The following C12orf50 variants were observed in gnomAD, a reference collection of about 807,000 sequenced individuals.
C12orf50 encodes the protein uncharacterized protein C12orf50.
A neutral mutation model predicts 61.6 loss-of-function variants in C12orf50; 35 were observed. The observed-to-expected ratio is 0.57, with a 90% CI of 0.43 to 0.75. C12orf50 has a LOEUF of 0.75. C12orf50 is among the 30% of genes least tolerant of loss of function. The pLI is 0.00. For synonymous variants in C12orf50, 178 were observed against 161.5 expected (o/e 1.10, Z -0.77); for missense variants, 475 against 488.5 (o/e 0.97, Z 0.26).
intron 3 of C12orf50, among the ~76,000 whole-genome samples, chr12:88,023,250 A>AAT (rs2032582416): frequency 6.6e-6 from 1 of 152,174 alleles, no homozygotes; most frequent in African/African-American, 2.4e-5. Context: ...AAAAATAAGA[A>AAT]ACAGGGAGAG....
At chr12:87,987,493 A>G (rs11104704) in intron 9 of C12orf50, among the ~76,000 whole-genome samples, 18,374 of 152,182 alleles carry the variant, frequency 0.12, 1,351 homozygotes, top group African/African-American at 0.2. Context: ...ACCGAATGTC[A>G]GTGAGAAGCC....
At chr12:88,026,435 C>T in intron 3 of C12orf50, 53 bp downstream of exon 3, 1 of 1,580,502 alleles carries the variant, frequency 6.3e-7, no homozygotes, top group Non-Finnish European at 8.6e-7. Context: ...TGCTGCTAGT[C>T]CAAAACCAGA....
At chr12:88,009,695 C>T (rs2032024580) in intron 3 of C12orf50, among the ~76,000 whole-genome samples, 1 of 152,060 alleles carries the variant, frequency 6.6e-6, no homozygotes, top group African/African-American at 2.4e-5. Context: ...AACAGAAAAA[C>T]CTATTCCATT....
At chr12:87,990,729 A>G (rs2136416608) in intron 7 of C12orf50, among the ~76,000 whole-genome samples, 1 of 152,188 alleles carries the variant, frequency 6.6e-6, no homozygotes, top group African/African-American at 2.4e-5. Flanking sequence ...AGCGACACCA[A>G]GGAGGTGAAA....
At chr12:88,006,907 A>G (rs576118035) in intron 3 of C12orf50, among the ~76,000 whole-genome samples, 24 of 152,218 alleles carry the variant, frequency 1.6e-4, no homozygotes, top group Non-Finnish European at 2.9e-4. Flanking sequence ...GGTGGTTCCA[A>G]TACAACTGAC....
chr12:88,006,349 T>A (rs1213496566), intron 3 of C12orf50, among the ~76,000 whole-genome samples: 2 of 152,176 alleles, frequency 1.3e-5, no homozygotes, highest in Non-Finnish European at 2.9e-5. Flanking sequence ...ACCATTGTTT[T>A]CAGAGCGTCC....
At chr12:88,004,110 G>A (rs553479216) in intron 3 of C12orf50, among the ~76,000 whole-genome samples, 61 of 151,286 alleles carry the variant, frequency 4.0e-4, no homozygotes, top group Non-Finnish European at 7.1e-4. Context: ...ATTTGTTAGG[G>A]TTTTTTCGTA....
chr12:88,005,252 T>G (rs1473682717), intron 3 of C12orf50, among the ~76,000 whole-genome samples: 1 of 152,224 alleles, frequency 6.6e-6, no homozygotes, highest in Non-Finnish European at 1.5e-5. Context: ...TTGTTTGCTT[T>G]TTAATTTTTG....
chr12:88,005,912 G>GTTTTTTTTTTTTTTTTTTTTTTT (rs371924944), intron 3 of C12orf50, among the ~76,000 whole-genome samples: 1 of 91,032 alleles, frequency 1.1e-5, no homozygotes, highest in Non-Finnish European at 2.2e-5. Flanking sequence ...TGTTTTTTTG[G>GTTTTTTTTTTTTTTTTTTTTTTT]TTTTTTTTTT....
rs1051096911 is a variant in C12orf50 at position 88,018,599 on chromosome 12, C to T, written c.133+7889G>A. 3.9e-5 allele frequency among the ~76,000 whole-genome samples: 6 copies of T among 152,206 alleles called. No homozygotes were observed. In the South Asian group the frequency reaches 8.3e-4, roughly 21 times the overall value. On this transcript the variant is annotated intron_variant, in intron 3 of 12. Coordinates refer to ENST00000298699, the MANE Select transcript of C12orf50 (RefSeq NM_152589.3). ...AATGGGTAGATTCACTGACAGCTTG[C>T]ACCGTGTGCCTGGAAAAGCCACAGA... is the stretch of plus-strand genomic sequence containing the variant.
At chr12:88,005,532 T>C (rs1431448191) in intron 3 of C12orf50, among the ~76,000 whole-genome samples, 4 of 152,250 alleles carry the variant, frequency 2.6e-5, no homozygotes, top group Non-Finnish European at 5.9e-5. Context: ...TGCTCCACAG[T>C]TTAACCCAAG....
At chr12:87,988,112 T>C (rs2136409812) in intron 8 of C12orf50, 146 bp from the exon 9 acceptor site, 2 of 427,404 alleles carry the variant, frequency 4.7e-6, no homozygotes, top group East Asian at 7.4e-5. Context: ...AAAAGCATCA[T>C]TAACATTCCC....
At chr12:87,996,752 C>T in intron 4 of C12orf50, 106 bp from the exon 5 acceptor site, 1 of 735,110 alleles carries the variant, frequency 1.4e-6, no homozygotes, top group Non-Finnish European at 2.2e-6. Context: ...GGATAGATTA[C>T]TTTTTTATAT....
At chr12:88,019,376 T>C (rs1338755179) in intron 3 of C12orf50, among the ~76,000 whole-genome samples, 1 of 152,210 alleles carries the variant, frequency 6.6e-6, no homozygotes, top group East Asian at 1.9e-4. Flanking sequence ...TGTGGAACTA[T>C]AAGTCCATTA....
chr12:87,981,429 A>T (rs958360238), intron 12 of C12orf50, among the ~76,000 whole-genome samples: 4 of 152,156 alleles, frequency 2.6e-5, no homozygotes, highest in African/African-American at 9.7e-5. Context: ...TCACCTGGGA[A>T]TGTTGTTAAA....
chr12:88,007,459 G>A (rs1210900528), intron 3 of C12orf50, among the ~76,000 whole-genome samples: 1 of 152,330 alleles, frequency 6.6e-6, no homozygotes, highest in East Asian at 1.9e-4. Context: ...ACTGGAGGTT[G>A]AGAAGTCTAA....
intron 3 of C12orf50, among the ~76,000 whole-genome samples, chr12:88,021,207 A>G (rs1486604931): frequency 1.3e-5 from 2 of 152,074 alleles, no homozygotes; most frequent in Non-Finnish European, 2.9e-5. Flanking sequence ...GGAAATGGAG[A>G]CACAAAAAGC....
chr12:88,005,504 A>G (rs750187882), intron 3 of C12orf50, among the ~76,000 whole-genome samples: 1 of 152,222 alleles, frequency 6.6e-6, no homozygotes, highest in African/African-American at 2.4e-5. Context: ...GTTTTCATCA[A>G]TGCACTAGGG....
chr12:87,989,631 G>A (rs1486935264), intron 7 of C12orf50, among the ~76,000 whole-genome samples: 2 of 152,008 alleles, frequency 1.3e-5, no homozygotes, highest in East Asian at 1.9e-4. Flanking sequence ...TTTCCTTAAT[G>A]TATAATAATC....
Sources: allele counts gnomAD v4.1 joint callset (sites outside exome capture counted in the v4.1 genomes callset), GRCh38; gene constraint gnomAD v4.1.1; transcripts MANE v1.5; gene names NCBI Gene and HGNC (gene_info 2026-07-23, HGNC 2026-07-21).